The following RBPMS2 variants were observed in gnomAD, a reference collection of about 807,000 sequenced individuals.
RBPMS2 encodes the protein RNA-binding protein with multiple splicing 2.
In RBPMS2, 14 loss-of-function variants were observed where a neutral mutation model predicts 25.7. The observed-to-expected ratio is 0.55, with a 90% CI of 0.36 to 0.85. The LOEUF is 0.85. Among genes scored for constraint, RBPMS2 ranks in the 40% least tolerant of loss-of-function variants. The pLI is 0.01. For synonymous variants in RBPMS2, 127 were observed against 115.6 expected, an observed-to-expected ratio of 1.10 and a Z score of -0.63; for missense variants, 252 against 283.4, an observed-to-expected ratio of 0.89 and a Z score of 0.80.
At chr15:64,765,054 G>A (rs1478011604) in intron 1 of RBPMS2, among the ~76,000 whole-genome samples, 3 of 150,436 alleles carry the variant, frequency 2.0e-5, no homozygotes, top group African/African-American at 7.3e-5. Context: ...GTGAAACCCC[G>A]TCTCTACTAA....
chr15:64,749,049 G>T lies in RBPMS2; in HGVS notation c.369C>A (p.Pro123=), dbSNP rs2083648248. The change falls in exon 5 of 8, where the codon CCC becomes CCA. Residue 123 remains proline (P), a synonymous_variant. Transcript: ENST00000300069. The stretch of plus-strand genomic sequence containing the variant: ...CTCCTAGGGCGGGGTGCACGTTGCT[G>T]GGATTTGGAGTTGCCATTAGCTTGC... ...AKSKLMATPN[P]SNVHPALGAH... is the part of the protein sequence containing the mutation. 1 of 1,614,222 alleles carries T rather than the reference G, an allele frequency of 6.2e-7. No individual in the cohort carries two copies. The highest frequency in any genetic ancestry group is 8.5e-7 in the Non-Finnish European group (1 of 1,180,034).
chr15:64,769,032 C>T (rs1314552442), intron 1 of RBPMS2, among the ~76,000 whole-genome samples: 8 of 123,188 alleles, frequency 6.5e-5, no homozygotes, highest in Non-Finnish European at 7.9e-5. Flanking sequence ...ACCCGGGAGG[C>T]GGAGCTTGCA....
intron 1 of RBPMS2, among the ~76,000 whole-genome samples, chr15:64,761,732 T>G (rs1476853899): frequency 7.9e-6 from 1 of 126,866 alleles, no homozygotes; most frequent in African/African-American, 2.9e-5. Context: ...AGACGGAGTC[T>G]CACTCTGTCG....
In RBPMS2 at chr15:64,749,076, C is replaced by T. The variant is rs1381481965; in HGVS notation, c.342G>A (p.Lys114=). The change falls in exon 5 of 8, where the codon AAG becomes AAA. Residue 114 remains lysine, a synonymous_variant. Coordinates refer to ENST00000300069, the MANE Select transcript of RBPMS2 (RefSeq NM_194272.3). The stretch of plus-strand genomic sequence containing the variant: ...GATTTGGAGTTGCCATTAGCTTGCT[C>T]TTGGCCATCTTGGTGTTGGCTTTGG... The part of the protein sequence containing the change: ...EFAKANTKMA[K]SKLMATPNPS... 2 of 1,614,160 alleles carry T rather than the reference C, an allele frequency of 1.2e-6. No individual in the cohort carries two copies. Among genetic ancestry groups the T allele is most frequent in the East Asian group, 4.5e-5 (2 of 44,878 alleles).
intron 5 of RBPMS2, 62 bp downstream of exon 5, chr15:64,748,938 A>T: frequency 6.3e-7 from 1 of 1,575,634 alleles, no homozygotes; most frequent in South Asian, 1.1e-5. Flanking sequence ...CCTCTGCAAG[A>T]GCCTGCAAGT....
At chr15:64,761,910 G>A (rs1308926642) in intron 1 of RBPMS2, among the ~76,000 whole-genome samples, 1 of 151,886 alleles carries the variant, frequency 6.6e-6, no homozygotes. Context: ...GTTCCACCAT[G>A]TTGGCCAGGC....
rs2083684028 is a variant in RBPMS2, at chr15:64,751,775, C to A, written c.88-137G>T. The A allele has an allele frequency of 9.3e-6, 6 of 642,174 alleles. No homozygotes were observed. In the South Asian group the frequency reaches 1.1e-4, roughly 12 times the overall value. The allele number at this position is 642,174 out of a possible 1,614,324, so 39.8% of individuals were successfully genotyped here. ...GCCTTTCCTGGGCCTCCTTGGATAC[C>A]CAAGGCAAATTAACATTGTTTCACA... is the stretch of plus-strand genomic sequence containing the variant. On this transcript the variant is annotated intron_variant, in intron 1 of 7. Transcript: ENST00000300069.
intron 6 of RBPMS2, among the ~76,000 whole-genome samples, 176 bp downstream of exon 6, chr15:64,748,243 T>C (rs527685560): frequency 1.3e-5 from 2 of 152,250 alleles, no homozygotes; most frequent in African/African-American, 4.8e-5. Flanking sequence ...CCCTGTCAAA[T>C]CCTAAACCCA....
intron 5 of RBPMS2, 141 bp downstream of exon 5, chr15:64,748,859 G>T: frequency 1.1e-6 from 1 of 934,784 alleles, no homozygotes; most frequent in Non-Finnish European, 1.6e-6. Flanking sequence ...CTGCAGGGGA[G>T]GGAGGAAAAC....
At chr15:64,742,136 G>A (rs1003204452) in intron 6 of RBPMS2, among the ~76,000 whole-genome samples, 6 of 152,118 alleles carry the variant, frequency 3.9e-5, no homozygotes, top group African/African-American at 9.7e-5. Context: ...TTGCACTCCC[G>A]CCTGGGCAAC....
Position 64,751,536 on chromosome 15 carries a change from AG to A in RBPMS2, c.165+24del, listed in dbSNP as rs554402306. 412 of 1,604,412 alleles carry A rather than the reference AG, an allele frequency of 2.6e-4. 2 individuals carry two copies. The African/African-American group carries it at 5.1e-3, about 20-fold the overall frequency. On this transcript the variant is annotated intron_variant, in intron 2 of 7. Transcript: ENST00000300069. ...TTCTCCAGGGTCCCAGGCTCTACCCAGGGGGCGGCTGGGTCCTGACTCACCT... is the reference window on the plus strand; with the variant it reads ...TTCTCCAGGGTCCCAGGCTCTACCCAGGGGCGGCTGGGTCCTGACTCACCT...
At chr15:64,758,152 CA>C (rs1487838581) in intron 1 of RBPMS2, among the ~76,000 whole-genome samples, 2 of 152,176 alleles carry the variant, frequency 1.3e-5, no homozygotes, top group Admixed American at 1.3e-4. Flanking sequence ...AAAGAGTGCA[CA>C]GGGGTGGTTC....
intron 1 of RBPMS2, among the ~76,000 whole-genome samples, chr15:64,774,991 G>A (rs1003216438): frequency 1.3e-5 from 2 of 150,594 alleles, no homozygotes; most frequent in Non-Finnish European, 3.0e-5. Context: ...GGCGGCCGGC[G>A]CGCGCGGCCC....
chr15:64,749,932 A>G (rs1295305065), intron 3 of RBPMS2, among the ~76,000 whole-genome samples: 3 of 152,166 alleles, frequency 2.0e-5, no homozygotes, highest in African/African-American at 7.2e-5. Flanking sequence ...TCATTTTCCC[A>G]AGGATCAGTC....
chr15:64,751,680 C>G (rs114782252), intron 1 of RBPMS2, 42 bp from the exon 2 acceptor site: 1 of 1,545,074 alleles, frequency 6.5e-7, no homozygotes, highest in East Asian at 2.2e-5. Context: ...CTGCCCAAGA[C>G]GGACAGGGAT....
At chr15:64,743,844 C>T (rs1021631520) in intron 6 of RBPMS2, among the ~76,000 whole-genome samples, 8 of 152,238 alleles carry the variant, frequency 5.3e-5, no homozygotes, top group African/African-American at 9.6e-5. Flanking sequence ...ACAGCTCACG[C>T]CTGTAATCCC....
At chr15:64,751,101 G>A (rs1377625363) in intron 2 of RBPMS2, among the ~76,000 whole-genome samples, 8 of 152,060 alleles carry the variant, frequency 5.3e-5, no homozygotes, top group African/African-American at 1.2e-4. Context: ...TTGGGAGGCC[G>A]GGGCGGGCGG....
At chr15:64,773,962 A>G (rs1054027320) in intron 1 of RBPMS2, among the ~76,000 whole-genome samples, 1 of 152,258 alleles carries the variant, frequency 6.6e-6, no homozygotes, top group Non-Finnish European at 1.5e-5. Context: ...ATTAGTGGAC[A>G]GATGTCACAG....
chr15:64,774,885 G>A (rs2083918754), intron 1 of RBPMS2, among the ~76,000 whole-genome samples: 1 of 151,588 alleles, frequency 6.6e-6, no homozygotes, highest in African/African-American at 2.4e-5. Context: ...CCTCGGAGGA[G>A]GGCGGCGAGC....
Sources: allele counts gnomAD v4.1 joint callset (sites outside exome capture counted in the v4.1 genomes callset), GRCh38; gene constraint gnomAD v4.1.1; transcripts MANE v1.5; gene names NCBI Gene and HGNC (gene_info 2026-07-23, HGNC 2026-07-21).